Variants in DNMBP observed in about 807,000 individuals in gnomAD.
DNMBP encodes the protein dynamin binding protein.
DNMBP carries 87 observed loss-of-function variants against 150.0 expected under a neutral mutation model. That is an observed-to-expected ratio of 0.58 (90% CI 0.49 to 0.69). The LOEUF (loss-of-function observed/expected upper bound fraction) is 0.69. Among genes scored for constraint, DNMBP ranks in the 30% least tolerant of loss-of-function variants. The pLI is 0.00. For synonymous variants in DNMBP, 711 were observed against 750.4 expected (o/e 0.95, Z 0.86); for missense variants, 1,774 against 1,949.0 (o/e 0.91, Z 1.69).
At chr10:99,926,038 C>T (rs759510143) in intron 4 of DNMBP, among the ~76,000 whole-genome samples, 1 of 152,140 alleles carries the variant, frequency 6.6e-6, no homozygotes, top group Non-Finnish European at 1.5e-5. Flanking sequence ...AGAGCCCTCT[C>T]TAGTTTCATA....
intron 4 of DNMBP, among the ~76,000 whole-genome samples, chr10:99,935,844 C>CGTGG (rs1340292538): frequency 6.6e-6 from 1 of 152,140 alleles, no homozygotes; most frequent in African/African-American, 2.4e-5. Flanking sequence ...GGATTGCAGG[C>CGTGG]GTGAGCCACC....
intron 4 of DNMBP, among the ~76,000 whole-genome samples, chr10:99,920,327 G>A (rs983248621): frequency 6.6e-6 from 1 of 151,992 alleles, no homozygotes; most frequent in Non-Finnish European, 1.5e-5. Context: ...CACTCGCCTC[G>A]GCCTCCCAAA....
At chr10:99,955,182 A>T (rs1215545450) in intron 4 of DNMBP, 32 bp downstream of exon 4, 1 of 1,576,342 alleles carries the variant, frequency 6.3e-7, no homozygotes, top group Non-Finnish European at 8.6e-7. Flanking sequence ...GAGTGTCAAG[A>T]AACAATTACA....
chr10:99,938,970 G>A (rs947008820), intron 4 of DNMBP, among the ~76,000 whole-genome samples: 1 of 152,128 alleles, frequency 6.6e-6, no homozygotes, highest in Non-Finnish European at 1.5e-5. Flanking sequence ...TGCTCCTAGT[G>A]GGTGGGCCAT....
intron 1 of DNMBP, among the ~76,000 whole-genome samples, chr10:99,999,334 C>T (rs529429616): frequency 2.0e-4 from 30 of 152,340 alleles, no homozygotes; most frequent in African/African-American, 6.5e-4. Flanking sequence ...AAGTTTCTTA[C>T]GATCTGTACC....
At chr10:99,985,158 T>C (rs1035531644) in intron 1 of DNMBP, among the ~76,000 whole-genome samples, 20 of 152,046 alleles carry the variant, frequency 1.3e-4, no homozygotes, top group African/African-American at 2.4e-4. Context: ...AACTGTCCAA[T>C]TGGAGTTAAA....
chr10:99,945,954 C>CT (rs1362307468), intron 4 of DNMBP, among the ~76,000 whole-genome samples: 3 of 152,088 alleles, frequency 2.0e-5, no homozygotes, highest in East Asian at 1.9e-4. Context: ...CCCAGAAATG[C>CT]TTTTTTTTCT....
chr10:99,881,395 A>G (rs1216142617), intron 15 of DNMBP, among the ~76,000 whole-genome samples: 1 of 152,208 alleles, frequency 6.6e-6, no homozygotes, highest in Non-Finnish European at 1.5e-5. Context: ...CACATGGTTC[A>G]CTTTAATAAA....
chr10:99,923,250 G>A (rs575935028), intron 4 of DNMBP, among the ~76,000 whole-genome samples: 4 of 152,272 alleles, frequency 2.6e-5, no homozygotes, highest in East Asian at 1.9e-4. Context: ...TTAGCCAGGT[G>A]TGGTGGCACA....
At chr10:100,009,625 G>C (rs2041111267) in intron 1 of DNMBP, among the ~76,000 whole-genome samples, 1 of 152,132 alleles carries the variant, frequency 6.6e-6, no homozygotes, top group Non-Finnish European at 1.5e-5. Context: ...AGGAGTGCGA[G>C]GGGGCCCGCT....
intron 3 of DNMBP, among the ~76,000 whole-genome samples, chr10:99,959,195 T>G (rs1396589969): frequency 6.6e-6 from 1 of 152,236 alleles, no homozygotes; most frequent in Non-Finnish European, 1.5e-5. Flanking sequence ...TTCATAAAAA[T>G]ATGTTATTTA....
At chr10:99,964,604 C>T (rs1401413468) in intron 3 of DNMBP, among the ~76,000 whole-genome samples, 7 of 151,572 alleles carry the variant, frequency 4.6e-5, no homozygotes, top group Admixed American at 3.3e-4. Context: ...GGCGTGGTGG[C>T]TCATGCCTGT....
chr10:99,928,079 C>T (rs888097534), intron 4 of DNMBP: 1 of 152,118 alleles, frequency 6.6e-6, no homozygotes, highest in African/African-American at 2.4e-5. Context: ...AGAGAAAATG[C>T]ACCTAGGAAA....
chr10:99,994,568 C>T (rs113444912), intron 1 of DNMBP, among the ~76,000 whole-genome samples: 252 of 152,278 alleles, frequency 1.7e-3, no homozygotes, highest in African/African-American at 5.1e-3. Context: ...ACGCAATTGA[C>T]GTGCCCCTCT....
chr10:99,946,961 A>G (rs1463268432), intron 4 of DNMBP, among the ~76,000 whole-genome samples: 1 of 152,228 alleles, frequency 6.6e-6, no homozygotes, highest in East Asian at 1.9e-4. Context: ...CAACAAATAT[A>G]TGAAAAAAAT....
intron 6 of DNMBP, 115 bp from the exon 7 acceptor site, chr10:99,900,181 T>C: frequency 1.0e-6 from 1 of 981,138 alleles, no homozygotes; most frequent in East Asian, 2.4e-5. Context: ...TTACAAGAAA[T>C]GATACTAAGA....
At chr10:99,968,956 A>G (rs1004857851) in intron 3 of DNMBP, among the ~76,000 whole-genome samples, 159 bp downstream of exon 3, 2 of 152,196 alleles carry the variant, frequency 1.3e-5, no homozygotes, top group Non-Finnish European at 2.9e-5. Flanking sequence ...TTAAAATGGT[A>G]CTAAACTATA....
intron 1 of DNMBP, among the ~76,000 whole-genome samples, chr10:99,979,299 T>G (rs1447696586): frequency 6.6e-6 from 1 of 152,068 alleles, no homozygotes. Flanking sequence ...TCTACCCAAC[T>G]GGGAAAAAAA....
chr10:99,982,747 G>A (rs895240977), intron 1 of DNMBP, among the ~76,000 whole-genome samples: 2 of 152,130 alleles, frequency 1.3e-5, no homozygotes, highest in African/African-American at 2.4e-5. Context: ...GGGCCCAGGA[G>A]TTCGAGTCCA....
Sources: gnomAD v4.1 joint callset for allele counts (sites outside exome capture counted in the v4.1 genomes callset) on GRCh38, gnomAD v4.1.1 for gene constraint, MANE v1.5 for transcripts, NCBI Gene and HGNC (gene_info 2026-07-23, HGNC 2026-07-21) for gene names.